The following ZPBP variants were observed in gnomAD, a reference collection of about 807,000 sequenced individuals.
ZPBP encodes zona pellucida binding protein, also known as zona pellucida-binding protein 1.
A neutral mutation model predicts 44.8 loss-of-function variants in ZPBP; 26 were observed. The ratio of observed to expected loss-of-function variants is 0.58; its 90% CI spans 0.43 to 0.81. The LOEUF (loss-of-function observed/expected upper bound fraction) is 0.81, where lower values mean the gene tolerates loss of function less well. Among genes scored for constraint, ZPBP ranks in the 30% least tolerant of loss-of-function variants. The pLI, the probability that ZPBP is intolerant of heterozygous loss-of-function variation, is 0.00. For missense variants in ZPBP, 409 were observed against 434.0 expected (o/e 0.94, Z 0.51); for synonymous variants, 174 against 153.2 (o/e 1.14, Z -1.00).
chr7:49,955,514 G>A (rs530099616), intron 7 of ZPBP, among the ~76,000 whole-genome samples: 1 of 151,936 alleles, frequency 6.6e-6, no homozygotes, highest in East Asian at 1.9e-4. Flanking sequence ...CTGAGATCAC[G>A]CCACTGCACT....
intron 2 of ZPBP, among the ~76,000 whole-genome samples, chr7:49,894,868 G>A (rs1792307101): frequency 6.6e-6 from 1 of 152,242 alleles, no homozygotes; most frequent in Non-Finnish European, 1.5e-5. Flanking sequence ...GCTAGAGTGT[G>A]CTGGCAACTA....
chr7:50,077,547 G>GA (rs1326276322), intron 3 of ZPBP, among the ~76,000 whole-genome samples: 5 of 151,310 alleles, frequency 3.3e-5, no homozygotes, highest in Non-Finnish European at 4.4e-5. Flanking sequence ...ACAACTATAG[G>GA]AAAAAAAACT....
chr7:49,894,649 T>C (rs1383332872), intron 2 of ZPBP, among the ~76,000 whole-genome samples: 1 of 152,224 alleles, frequency 6.6e-6, no homozygotes, highest in Non-Finnish European at 1.5e-5. Context: ...CAGTGCTGTG[T>C]TGGCTCCTGT....
chr7:50,092,881 A>C, intron 1 of ZPBP, 187 bp downstream of exon 1: 1 of 839,424 alleles, frequency 1.2e-6, no homozygotes, highest in Non-Finnish European at 1.7e-6. Flanking sequence ...CCTGTCATTC[A>C]CTCCTCTATG....
intron 7 of ZPBP, among the ~76,000 whole-genome samples, chr7:49,962,809 G>A (rs2128765432): frequency 6.6e-6 from 1 of 151,812 alleles, no homozygotes; most frequent in South Asian, 2.1e-4. Flanking sequence ...ATTTCTAGAA[G>A]AAAACAGAAA....
intron 6 of ZPBP, among the ~76,000 whole-genome samples, chr7:49,995,643 A>C (rs1355811498): frequency 6.6e-6 from 1 of 152,200 alleles, no homozygotes; most frequent in East Asian, 1.9e-4. Flanking sequence ...CATTGCTTTA[A>C]TTTACTATTT....
In ZPBP at chr7:49,954,007, C is replaced by T. The variant is rs140197637; in HGVS notation, c.962-16385G>A. On this transcript the variant is annotated intron_variant, in intron 7 of 7. Coordinates refer to ENST00000046087, the MANE Select transcript of ZPBP (RefSeq NM_007009.3). ...AGGGCACTAAATAGTCGAAAAAAAT[C>T]GAAAAAGGAAAACAAAGTCGGAAGA... 3.3e-5 allele frequency among the ~76,000 whole-genome samples: 5 copies of T among 151,860 alleles called. No homozygotes were observed. In the East Asian group the frequency reaches 9.7e-4, roughly 29 times the overall value.
chr7:50,084,806 G>A (rs973218246), intron 2 of ZPBP, among the ~76,000 whole-genome samples: 1 of 151,988 alleles, frequency 6.6e-6, no homozygotes, highest in African/African-American at 2.4e-5. Context: ...TCATTGGGGA[G>A]ATCAATACAA....
chr7:50,036,415 G>A (rs1352996511), intron 4 of ZPBP, among the ~76,000 whole-genome samples: 2 of 152,166 alleles, frequency 1.3e-5, no homozygotes, highest in African/African-American at 4.8e-5. Context: ...CTCCCAAAGT[G>A]CTGGGATTAC....
chr7:49,957,859 G>T (rs894634113), intron 7 of ZPBP, among the ~76,000 whole-genome samples: 1 of 152,150 alleles, frequency 6.6e-6, no homozygotes, highest in Non-Finnish European at 1.5e-5. Flanking sequence ...AGAGCAGCAG[G>T]CATCTGACTC....
chr7:49,991,244 A>G (rs577502684), intron 6 of ZPBP, among the ~76,000 whole-genome samples: 2 of 152,270 alleles, frequency 1.3e-5, no homozygotes, highest in African/African-American at 4.8e-5. Context: ...TGGGGTGTAC[A>G]GACTTTATAA....
intron 3 of ZPBP, among the ~76,000 whole-genome samples, chr7:50,067,425 T>C (rs147324363): frequency 0.013 from 1,947 of 152,316 alleles, 24 homozygotes; most frequent in Non-Finnish European, 0.016. Flanking sequence ...ATTTGTCCTT[T>C]GGTCTTTTGC....
intron 7 of ZPBP, chr7:49,943,996 TG>T (rs1794995187): frequency 3.4e-6 from 1 of 296,894 alleles, no homozygotes; most frequent in African/African-American, 2.3e-5. Flanking sequence ...TTGCTTCCTT[TG>T]TGACATAGGG....
At chr7:49,959,972 T>C (rs564659520) in intron 7 of ZPBP, among the ~76,000 whole-genome samples, 5 of 152,298 alleles carry the variant, frequency 3.3e-5, no homozygotes, top group Admixed American at 1.3e-4. Flanking sequence ...GGCATTTTAA[T>C]AGAGGAAGAA....
chr7:49,981,450 TAC>T, intron 7 of ZPBP, among the ~76,000 whole-genome samples: 3 of 47,580 alleles, frequency 6.3e-5, no homozygotes, highest in East Asian at 9.5e-4. Flanking sequence ...ATATATTATG[TAC>T]ATATAATAAT....
intron 2 of ZPBP, among the ~76,000 whole-genome samples, chr7:49,888,812 G>GAGGC (rs1489369016): frequency 1.3e-5 from 2 of 152,152 alleles, no homozygotes; most frequent in Non-Finnish European, 2.9e-5. Flanking sequence ...TTTGGGGGCC[G>GAGGC]AGGCAGGAGA....
At chr7:49,896,744 A>G (rs1792401261) in intron 2 of ZPBP, among the ~76,000 whole-genome samples, 1 of 152,184 alleles carries the variant, frequency 6.6e-6, no homozygotes, top group Non-Finnish European at 1.5e-5. Context: ...AAAATGAAGG[A>G]ATATTATCAG....
intron 6 of ZPBP, among the ~76,000 whole-genome samples, chr7:50,001,225 A>G (rs1160381583): frequency 1.3e-5 from 2 of 152,236 alleles, no homozygotes; most frequent in East Asian, 3.8e-4. Context: ...AATGAAGAAC[A>G]TGAAACTTCT....
chr7:49,897,519 G>T (rs1370140227), intron 2 of ZPBP, among the ~76,000 whole-genome samples: 1 of 152,156 alleles, frequency 6.6e-6, no homozygotes, highest in Non-Finnish European at 1.5e-5. Context: ...TTTCCAGTCT[G>T]GCATGTAGAA....
Sources: allele counts gnomAD v4.1 joint callset (sites outside exome capture counted in the v4.1 genomes callset), GRCh38; gene constraint gnomAD v4.1.1; transcripts MANE v1.5; gene names NCBI Gene and HGNC (gene_info 2026-07-23, HGNC 2026-07-21).